The following DSCAM variants were observed in gnomAD, a reference collection of about 807,000 sequenced individuals.
DSCAM encodes the protein DS cell adhesion molecule, also known as cell adhesion molecule DSCAM.
In DSCAM, 47 loss-of-function variants were observed where a neutral mutation model predicts 217.7. The observed-to-expected ratio is 0.22, with a 90% CI of 0.17 to 0.28. DSCAM has a LOEUF of 0.28. Among genes scored for constraint, DSCAM ranks in the 10% least tolerant of loss-of-function variants. DSCAM has a pLI of 1.00. For missense variants in DSCAM, 2,080 were observed against 2,618.3 expected (o/e 0.79, Z 4.49); for synonymous variants, 1,056 against 1,015.3 (o/e 1.04, Z -0.76).
intron 4 of DSCAM, among the ~76,000 whole-genome samples, chr21:40,361,003 G>T (rs2123674380): frequency 6.6e-6 from 1 of 152,186 alleles, no homozygotes; most frequent in South Asian, 2.1e-4. Flanking sequence ...GTGCATGATT[G>T]AAGCAATGCT....
chr21:40,473,404 A>C (rs2075905725), intron 3 of DSCAM, among the ~76,000 whole-genome samples: 1 of 152,248 alleles, frequency 6.6e-6, no homozygotes, highest in Non-Finnish European at 1.5e-5. Flanking sequence ...GAGGGGGCTG[A>C]GAAGCCATCT....
intron 3 of DSCAM, among the ~76,000 whole-genome samples, chr21:40,448,094 T>C (rs930406473): frequency 6.6e-6 from 1 of 152,238 alleles, no homozygotes; most frequent in African/African-American, 2.4e-5. Flanking sequence ...AGTCTGTTTA[T>C]TGTGTGTGAT....
intron 6 of DSCAM, 90 bp from the exon 7 acceptor site, chr21:40,339,505 G>C: frequency 7.8e-7 from 1 of 1,290,184 alleles, no homozygotes; most frequent in Non-Finnish European, 1.0e-6. Flanking sequence ...GGGGGTAAAT[G>C]TCGTAGTTGT....
chr21:40,172,283 A>C (rs1426950476), intron 15 of DSCAM, among the ~76,000 whole-genome samples: 1 of 152,206 alleles, frequency 6.6e-6, no homozygotes, highest in African/African-American at 2.4e-5. Flanking sequence ...AAAACAAGTG[A>C]TTTTACAAAA....
chr21:40,831,900 A>T (rs2837844), intron 1 of DSCAM, among the ~76,000 whole-genome samples: 110,384 of 152,164 alleles, frequency 0.73, 40,213 homozygotes, highest in East Asian at 0.77. Context: ...TTCCCAAAAC[A>T]ACTCTTTAAA....
chr21:40,280,067 A>T (rs899847795), intron 10 of DSCAM, among the ~76,000 whole-genome samples: 2 of 151,946 alleles, frequency 1.3e-5, no homozygotes, highest in Non-Finnish European at 2.9e-5. Context: ...ACCGTGGCAC[A>T]TTTATACCTA....
chr21:40,104,256 G>T (rs977547022), intron 20 of DSCAM, among the ~76,000 whole-genome samples: 3 of 151,912 alleles, frequency 2.0e-5, no homozygotes, highest in African/African-American at 7.3e-5. Context: ...AAACTAATTT[G>T]TTATCATATA....
chr21:40,623,051 A>G (rs1400160254), intron 3 of DSCAM, among the ~76,000 whole-genome samples: 1 of 152,164 alleles, frequency 6.6e-6, no homozygotes, highest in African/African-American at 2.4e-5. Flanking sequence ...CGCTACCCAC[A>G]AATTGAGCCA....
At chr21:40,040,828 C>G (rs1197280534) in intron 32 of DSCAM, among the ~76,000 whole-genome samples, 5 of 152,186 alleles carry the variant, frequency 3.3e-5, no homozygotes, top group African/African-American at 1.2e-4. Context: ...ATGGTCTTCT[C>G]TCCAGTCCTC....
chr21:40,128,825 C>A (rs1429748355), intron 19 of DSCAM, among the ~76,000 whole-genome samples: 1 of 152,110 alleles, frequency 6.6e-6, no homozygotes. Context: ...CTCAGCTCAA[C>A]CAGACCTGGA....
intron 11 of DSCAM, among the ~76,000 whole-genome samples, chr21:40,245,405 A>G (rs1171141515): frequency 6.6e-6 from 1 of 152,180 alleles, no homozygotes; most frequent in Non-Finnish European, 1.5e-5. Context: ...CCTCTCTGAC[A>G]CATGAGAAAA....
intron 20 of DSCAM, among the ~76,000 whole-genome samples, chr21:40,121,879 G>A (rs1034281749): frequency 3.3e-5 from 5 of 151,520 alleles, no homozygotes; most frequent in Non-Finnish European, 7.4e-5. Flanking sequence ...TTTTGTAGAG[G>A]CGGAGTTTCA....
chr21:40,618,061 C>T (rs2837752), intron 3 of DSCAM, among the ~76,000 whole-genome samples: 14,003 of 152,206 alleles, frequency 0.092, 760 homozygotes, highest in East Asian at 0.2. Flanking sequence ...TATTCACTGA[C>T]ATTCTGGCTC....
At chr21:40,565,094 T>G (rs8129524) in intron 3 of DSCAM, among the ~76,000 whole-genome samples, 66,384 of 152,060 alleles carry the variant, frequency 0.44, 15,439 homozygotes, top group Admixed American at 0.52. Context: ...AGCCAAGAAG[T>G]GCAGCCTTTG....
intron 11 of DSCAM, among the ~76,000 whole-genome samples, chr21:40,214,735 C>CAAAAAAA (rs1209648217): frequency 3.1e-4 from 21 of 67,854 alleles, no homozygotes; most frequent in East Asian, 1.5e-3. Flanking sequence ...GCAACAACAG[C>CAAAAAAA]AAAAAAAAAA....
chr21:40,443,465 T>C (rs2075649352), intron 3 of DSCAM, among the ~76,000 whole-genome samples: 1 of 152,164 alleles, frequency 6.6e-6, no homozygotes, highest in African/African-American at 2.4e-5. Context: ...ATTACAGGAT[T>C]CCATTCATGG....
At chr21:40,119,476 G>A (rs985993497) in intron 20 of DSCAM, among the ~76,000 whole-genome samples, 5 of 151,910 alleles carry the variant, frequency 3.3e-5, no homozygotes, top group Non-Finnish European at 7.4e-5. Context: ...TAGGACTGAC[G>A]GTTCTCTAAG....
intron 16 of DSCAM, among the ~76,000 whole-genome samples, chr21:40,147,063 A>G (rs2090365767): frequency 6.6e-6 from 1 of 152,194 alleles, no homozygotes; most frequent in Non-Finnish European, 1.5e-5. Flanking sequence ...AAATAAAATA[A>G]TATTATTTTT....
intron 3 of DSCAM, among the ~76,000 whole-genome samples, chr21:40,596,647 A>G (rs2077023510): frequency 6.6e-6 from 1 of 152,174 alleles, no homozygotes. Context: ...TGCAACAAGA[A>G]AATGTCTTGA....
Sources: gnomAD v4.1 joint callset for allele counts (sites outside exome capture counted in the v4.1 genomes callset) on GRCh38, gnomAD v4.1.1 for gene constraint, MANE v1.5 for transcripts, NCBI Gene and HGNC (gene_info 2026-07-23, HGNC 2026-07-21) for gene names.